The following DLG2 variants were observed in gnomAD, a reference collection of about 807,000 sequenced individuals.
DLG2 encodes discs large MAGUK scaffold protein 2.
In DLG2, 45 loss-of-function variants were observed where a neutral mutation model predicts 132.5. That is an observed-to-expected ratio of 0.34 (90% CI 0.27 to 0.44). DLG2 has a LOEUF of 0.44. Ranked by LOEUF, DLG2 falls within the 20% of genes least tolerant of loss-of-function variation. The pLI, the probability that DLG2 is intolerant of heterozygous loss-of-function variation, is 1.00. For synonymous variants in DLG2, 424 were observed against 419.6 expected (o/e 1.01, Z -0.13); for missense variants, 1,045 against 1,196.9 (o/e 0.87, Z 1.87).
At chr11:85,321,700 G>GT (rs1218557280) in intron 3 of DLG2, among the ~76,000 whole-genome samples, 2 of 152,050 alleles carry the variant, frequency 1.3e-5, no homozygotes, top group African/African-American at 4.8e-5. Context: ...AGAGTTAAAT[G>GT]TATCAAGGAG....
intron 7 of DLG2, among the ~76,000 whole-genome samples, chr11:84,380,308 CTT>C (rs1241610580): frequency 6.6e-6 from 1 of 151,918 alleles, no homozygotes; most frequent in Admixed American, 6.6e-5. Flanking sequence ...AGAGAATGCA[CTT>C]TCTTTTCAAA....
rs754561291 is a variant in DLG2, at chr11:83,553,899, C to CT, written c.1941-12042dup. On this transcript the variant is annotated intron_variant, in intron 19 of 27. Transcript: ENST00000376104. Reference sequence around the variant, plus strand: ...ATAGCACAATCTTTTCTTTTTTTTTCTTTTTTTTTTTTTTGTGGGATAGTC... The same window carrying CT: ...ATAGCACAATCTTTTCTTTTTTTTTCTTTTTTTTTTTTTTTGTGGGATAGTC... 6.2e-3 allele frequency among the ~76,000 whole-genome samples: 694 copies of CT among 111,112 alleles called. 8 individuals carry two copies. The highest frequency in any genetic ancestry group is 0.036 in the South Asian group (124 of 3,480). 72.9% of individuals were successfully genotyped at this position (111,112 alleles called of 152,430 possible).
At chr11:84,966,573 T>G (rs2053380001) in intron 6 of DLG2, among the ~76,000 whole-genome samples, 1 of 152,088 alleles carries the variant, frequency 6.6e-6, no homozygotes, top group Admixed American at 6.6e-5. Context: ...TCTGGCATAG[T>G]CTTGGCATGT....
chr11:84,844,105 TTGTGTGTGTG>T (rs1213298818), intron 6 of DLG2, among the ~76,000 whole-genome samples: 1,376 of 80,346 alleles, frequency 0.017, 38 homozygotes, highest in Non-Finnish European at 0.024. Flanking sequence ...ATATATATGT[TTGTGTGTGTG>T]TGTGTGTGTG....
intron 6 of DLG2, among the ~76,000 whole-genome samples, chr11:85,009,206 TA>T (rs1385050318): frequency 6.6e-6 from 1 of 152,100 alleles, no homozygotes; most frequent in Non-Finnish European, 1.5e-5. Flanking sequence ...TAAGACCTAT[TA>T]ATCTCCAGAG....
intron 21 of DLG2, chr11:83,486,359 A>G (rs928110704): frequency 1.7e-6 from 1 of 575,544 alleles, no homozygotes; most frequent in East Asian, 3.0e-5. Context: ...TGCAAAAAAA[A>G]AAAATTACAC....
chr11:83,517,606 A>G (rs2095341535), intron 21 of DLG2, among the ~76,000 whole-genome samples: 1 of 152,212 alleles, frequency 6.6e-6, no homozygotes, highest in South Asian at 2.1e-4. Flanking sequence ...TCTGATTCTT[A>G]GAATTTTCAG....
Position 85,486,594 on chromosome 11 carries a change from C to A in DLG2, c.40+112063G>T, listed in dbSNP as rs542928860. ...AAGATTTGAGGTCAGGCTGACCCAA[C>A]CTACTGATACCACCACAGCTGACAC... On this transcript the variant is annotated intron_variant, in intron 3 of 27. Coordinates refer to ENST00000376104, the MANE Select transcript of DLG2 (RefSeq NM_001142699.3). Among the ~76,000 whole-genome samples, 25 of 152,252 alleles carry A rather than the reference C, an allele frequency of 1.6e-4. No individual in the cohort carries two copies. The East Asian group carries it at 4.5e-3, about 27-fold the overall frequency.
chr11:84,865,420 C>A (rs192224908), intron 6 of DLG2, among the ~76,000 whole-genome samples: 5 of 152,306 alleles, frequency 3.3e-5, no homozygotes, highest in Admixed American at 6.5e-5. Context: ...CACATTTACA[C>A]ATGTAGAGCC....
At chr11:85,441,689 G>C (rs986273650) in intron 3 of DLG2, among the ~76,000 whole-genome samples, 1 of 152,076 alleles carries the variant, frequency 6.6e-6, no homozygotes, top group African/African-American at 2.4e-5. Context: ...CACAAAGTGT[G>C]GTAAATGCTA....
At chr11:85,547,339 G>T (rs1223520552) in intron 3 of DLG2, among the ~76,000 whole-genome samples, 5 of 152,136 alleles carry the variant, frequency 3.3e-5, no homozygotes, top group African/African-American at 1.2e-4. Context: ...TGGCTTGTAG[G>T]GTTTCTGCAG....
intron 18 of DLG2, among the ~76,000 whole-genome samples, chr11:83,678,413 CCTT>C (rs2078140099): frequency 6.6e-6 from 1 of 152,118 alleles, no homozygotes; most frequent in Non-Finnish European, 1.5e-5. Flanking sequence ...CTGGGCTAGC[CCTT>C]CTTCTTTTTC....
At position 84,483,430 on chromosome 11, in the gene DLG2, C is replaced by CAAAA. The variant is rs56086759; in HGVS notation, c.519+51136_519+51139dup. Among the ~76,000 whole-genome samples, 333 of 90,112 alleles carry CAAAA rather than the reference C, an allele frequency of 3.7e-3. 4 individuals are homozygous for CAAAA. Among genetic ancestry groups the CAAAA allele is most frequent in the South Asian group, 8.0e-3 (18 of 2,242 alleles). 59.1% of individuals were successfully genotyped at this position (90,112 alleles called of 152,430 possible). On this transcript the variant is annotated intron_variant, in intron 7 of 27. Coordinates refer to ENST00000376104, the MANE Select transcript of DLG2 (RefSeq NM_001142699.3). ...TGTGCAACAGAGCCAGACTCCGCCT[C>CAAAA]AAAAAAAAAAAAAAAAAAAATTAAA...
chr11:84,969,454 T>C (rs1298993002), intron 6 of DLG2, among the ~76,000 whole-genome samples: 1 of 152,202 alleles, frequency 6.6e-6, no homozygotes, highest in Non-Finnish European at 1.5e-5. Context: ...GAGGAATGCA[T>C]TATAAGCAAA....
rs1208158482 is a variant in DLG2, at chr11:85,122,981, T to A, written c.283-11246A>T. ...TATATATATATATATTTTTTTTTTTTTTTTTTTTTTTTTTGAGACAGAGTC... is the reference window on the plus strand; with the variant it reads ...TATATATATATATATTTTTTTTTTTATTTTTTTTTTTTTTGAGACAGAGTC... On this transcript the variant is annotated intron_variant, in intron 5 of 27. Transcript: ENST00000376104. Among the ~76,000 whole-genome samples, 766 of 91,502 alleles carry A rather than the reference T, an allele frequency of 8.4e-3. 14 individuals are homozygous for A. The highest frequency in any genetic ancestry group is 0.024 in the East Asian group (56 of 2,366). 60.0% of individuals were successfully genotyped at this position (91,502 alleles called of 152,430 possible).
chr11:83,753,849 ATATCATATATATATT>A (rs772561101), intron 18 of DLG2, among the ~76,000 whole-genome samples: 21,832 of 45,070 alleles, frequency 0.48, 3,575 homozygotes, highest in African/African-American at 0.62. Flanking sequence ...TATATCATAT[ATATCATATATATATT>A]TCATATATAT....
At chr11:84,677,678 G>C (rs1303045939) in intron 6 of DLG2, among the ~76,000 whole-genome samples, 1 of 152,018 alleles carries the variant, frequency 6.6e-6, no homozygotes, top group African/African-American at 2.4e-5. Context: ...GAGGCCAAGA[G>C]CTAGAGACCA....
chr11:83,974,854 T>A (rs114714464), intron 12 of DLG2, among the ~76,000 whole-genome samples: 2,860 of 152,140 alleles, frequency 0.019, 89 homozygotes, highest in South Asian at 0.07. Context: ...CCGCTCGACT[T>A]CAATGTCTCT....
intron 6 of DLG2, among the ~76,000 whole-genome samples, chr11:85,105,871 A>AT (rs1277136046): frequency 2.6e-5 from 4 of 151,666 alleles, no homozygotes; most frequent in African/African-American, 9.7e-5. Context: ...ACACAACACT[A>AT]TTTTATAACT....
Sources: allele counts gnomAD v4.1 joint callset (sites outside exome capture counted in the v4.1 genomes callset), GRCh38; gene constraint gnomAD v4.1.1; transcripts MANE v1.5; gene names NCBI Gene and HGNC (gene_info 2026-07-23, HGNC 2026-07-21).